Variants in CARD8 observed in about 807,000 individuals in gnomAD.
CARD8 encodes caspase recruitment domain-containing protein 8.
CARD8 carries 38 observed loss-of-function variants against 53.2 expected under a neutral mutation model. The observed-to-expected ratio is 0.71, with a 90% CI of 0.55 to 0.94. The LOEUF is 0.94. Ranked by LOEUF, CARD8 falls within the 40% of genes least tolerant of loss-of-function variation. CARD8 has a pLI of 0.00. For synonymous variants in CARD8, 245 were observed against 244.9 expected, an observed-to-expected ratio of 1.00 and a Z score of 0.00; for missense variants, 561 against 655.5, an observed-to-expected ratio of 0.86 and a Z score of 1.57.
intron 10 of CARD8, among the ~76,000 whole-genome samples, chr19:48,225,757 G>T (rs2041640178): frequency 2.0e-5 from 3 of 151,742 alleles, no homozygotes; most frequent in South Asian, 4.2e-4. Flanking sequence ...AGGGTCACAA[G>T]AAGTCATGGC....
intron 1 of CARD8, among the ~76,000 whole-genome samples, chr19:48,253,918 TCTTGA>T (rs1465349399): frequency 6.6e-6 from 1 of 152,120 alleles, no homozygotes; most frequent in African/African-American, 2.4e-5. Flanking sequence ...CAATTCATAT[TCTTGA>T]CTTAAGTGCC....
intron 10 of CARD8, among the ~76,000 whole-genome samples, chr19:48,229,522 C>T (rs2042438366): frequency 2.0e-5 from 3 of 152,354 alleles, no homozygotes; most frequent in Non-Finnish European, 2.9e-5. Flanking sequence ...TCCTGACAGG[C>T]AGGCACCTGC....
chr19:48,246,064 A>G (rs1323068292), intron 3 of CARD8, among the ~76,000 whole-genome samples: 1 of 152,142 alleles, frequency 6.6e-6, no homozygotes, highest in African/African-American at 2.4e-5. Flanking sequence ...AGGATCTCAC[A>G]TTGCACTTAC....
chr19:48,229,164 A>C (rs575895780), intron 10 of CARD8, among the ~76,000 whole-genome samples: 4 of 152,282 alleles, frequency 2.6e-5, no homozygotes, highest in African/African-American at 9.6e-5. Context: ...AAGAAAAGAA[A>C]AAGAACAAGG....
chr19:48,228,723 G>A (rs187784831), intron 10 of CARD8, among the ~76,000 whole-genome samples: 1 of 152,302 alleles, frequency 6.6e-6, no homozygotes, highest in East Asian at 1.9e-4. Context: ...GTGGAAGGGA[G>A]TGATGCCCTA....
chr19:48,236,015 T>C (rs1316770423), intron 5 of CARD8, among the ~76,000 whole-genome samples: 1 of 152,110 alleles, frequency 6.6e-6, no homozygotes, highest in African/African-American at 2.4e-5. Context: ...TCAGCAATTC[T>C]GATTAAAGTA....
chr19:48,252,976 T>C (rs1454103693), intron 1 of CARD8, among the ~76,000 whole-genome samples: 1 of 152,222 alleles, frequency 6.6e-6, no homozygotes, highest in Non-Finnish European at 1.5e-5. Context: ...TGCACTGCTC[T>C]ATGGCACTTC....
rs2146201537 is a variant in CARD8 at position 48,230,778 on chromosome 19, T to C, written c.771A>G (p.Gln257=). The stretch of plus-strand genomic sequence containing the variant: ...CAGCCTCCGCTCACCCCACATTACC[T>C]TGGAGGGAGATGAAGTGGGGGAGGT... ...EIHLPHFISL[Q]AGEVDVSWFL... Residue 257 remains glutamine (Q), a splice_region_variant and synonymous_variant, in exon 9 of 14, where the codon CAA becomes CAG. Coordinates refer to ENST00000651546, the MANE Select transcript of CARD8 (RefSeq NM_001184900.3). 4 of 1,613,854 alleles carry C rather than the reference T, an allele frequency of 2.5e-6. No individual in the cohort carries two copies. The highest frequency in any genetic ancestry group is 2.5e-6 in the Non-Finnish European group (3 of 1,179,840).
chr19:48,247,777 TACAC>T (rs374426231), intron 3 of CARD8, among the ~76,000 whole-genome samples: 1 of 85,674 alleles, frequency 1.2e-5, no homozygotes, highest in African/African-American at 6.0e-5. Flanking sequence ...TATATATATA[TACAC>T]ACACACACAA....
intron 3 of CARD8, among the ~76,000 whole-genome samples, chr19:48,241,277 A>T (rs1278873276): frequency 6.6e-6 from 1 of 151,890 alleles, no homozygotes; most frequent in Non-Finnish European, 1.5e-5. Flanking sequence ...TTTTTTTTAG[A>T]TGGAGTCTAG....
chr19:48,247,239 G>A (rs1028717547), intron 3 of CARD8, among the ~76,000 whole-genome samples: 2 of 152,158 alleles, frequency 1.3e-5, no homozygotes, highest in Non-Finnish European at 2.9e-5. Context: ...CAGGAGAATC[G>A]CTTGAACCAA....
chr19:48,247,827 TA>T (rs2046371536), intron 3 of CARD8, among the ~76,000 whole-genome samples: 1 of 151,272 alleles, frequency 6.6e-6, no homozygotes, highest in Non-Finnish European at 1.5e-5. Flanking sequence ...CAAGCAAAAT[TA>T]AATTACACTA....
At chr19:48,231,832 T>C (rs752297180) in intron 7 of CARD8, 22 bp from the exon 8 acceptor site, 3 of 1,611,966 alleles carry the variant, frequency 1.9e-6, no homozygotes, top group African/African-American at 1.3e-5. Flanking sequence ...ATACTAGACA[T>C]GTAAGAGGTA....
chr19:48,247,044 C>A (rs143335875), intron 3 of CARD8, among the ~76,000 whole-genome samples: 3 of 152,302 alleles, frequency 2.0e-5, no homozygotes, highest in Admixed American at 6.5e-5. Context: ...ACAATTGAGG[C>A]CAGGCGCTAT....
intron 3 of CARD8, among the ~76,000 whole-genome samples, 194 bp downstream of exon 3, chr19:48,249,328 CA>C: frequency 6.6e-6 from 1 of 151,976 alleles, no homozygotes; most frequent in South Asian, 2.1e-4. Context: ...ATAAATCATG[CA>C]GGGGGATTAA....
In CARD8 at chr19:48,232,511, C is replaced by T. The variant is rs1278046181; in HGVS notation, c.351-18G>A. The T allele has an allele frequency of 6.5e-7, 1 of 1,534,296 alleles. No individual in the cohort carries two copies. Among genetic ancestry groups the T allele is most frequent in the South Asian group, 1.2e-5 (1 of 84,012 alleles). ...CTGATACACTGGAGGTTGGGATCCC[C>T]ATGTTACAAAAAGATGAAAAACATC... On this transcript the variant is annotated intron_variant, in intron 6 of 13. Coordinates refer to ENST00000651546, the MANE Select transcript of CARD8 (RefSeq NM_001184900.3).
chr19:48,231,806 G>C lies in CARD8; in HGVS notation c.396C>G (p.Asp132Glu). 6.2e-7 allele frequency: 1 copy of C among 1,613,770 alleles called. No homozygotes were observed. Among genetic ancestry groups the C allele is most frequent in the South Asian group, 1.1e-5 (1 of 91,078 alleles). The change falls in exon 8 of 14, where the codon GAC (aspartate) becomes GAG (glutamate). Residue 132 changes from aspartate (D) to glutamate (E), a missense_variant. Coordinates refer to ENST00000651546, the MANE Select transcript of CARD8 (RefSeq NM_001184900.3). ...QESSEGQDSG[D>E]ICSEENQIVS... ...CTATTTGATTCTCTTCTGAGCAAAT[G>C]TCTCCTGAAAAGAAAATACTAGACA...
chr19:48,238,202 A>T, intron 5 of CARD8, 181 bp downstream of exon 5: 2 of 1,158,060 alleles, frequency 1.7e-6, no homozygotes, highest in Non-Finnish European at 2.3e-6. Flanking sequence ...TTTTTTCCCT[A>T]CTTCTTATGA....
chr19:48,215,896 C>T (rs754882991), intron 12 of CARD8, among the ~76,000 whole-genome samples: 2 of 152,126 alleles, frequency 1.3e-5, no homozygotes, highest in Non-Finnish European at 2.9e-5. Flanking sequence ...CATCTAGACT[C>T]CTTGATGTTT....
Sources: allele counts gnomAD v4.1 joint callset (sites outside exome capture counted in the v4.1 genomes callset), GRCh38; gene constraint gnomAD v4.1.1; transcripts MANE v1.5; gene names NCBI Gene and HGNC (gene_info 2026-07-23, HGNC 2026-07-21).